SLC22A3: variants seen among roughly 807,000 people sequenced by gnomAD.
SLC22A3 encodes the protein EMT organic cation transporter 3.
SLC22A3 carries 51 observed loss-of-function variants against 59.1 expected under a neutral mutation model. The ratio of observed to expected loss-of-function variants is 0.86; its 90% CI spans 0.69 to 1.09. SLC22A3 has a LOEUF of 1.09. Among genes scored for constraint, SLC22A3 ranks in the 50% least tolerant of loss-of-function variants. SLC22A3 has a pLI of 0.00. For synonymous variants in SLC22A3, 325 were observed against 292.0 expected (o/e 1.11, Z -1.15); for missense variants, 711 against 726.3 (o/e 0.98, Z 0.24).
At chr6:160,362,406 C>A (rs943769143) in intron 1 of SLC22A3, among the ~76,000 whole-genome samples, 3 of 152,154 alleles carry the variant, frequency 2.0e-5, no homozygotes, top group Non-Finnish European at 2.9e-5. Flanking sequence ...GTAGAAAACC[C>A]TCTGCGAGAC....
intron 1 of SLC22A3, among the ~76,000 whole-genome samples, chr6:160,391,107 A>C (rs1339657093): frequency 2.0e-5 from 3 of 152,158 alleles, no homozygotes; most frequent in African/African-American, 7.2e-5. Context: ...GCATGATTTC[A>C]TCTTAACTCA....
rs1389879424 is a variant in SLC22A3 at position 160,348,823 on chromosome 6, A to T, written c.404A>T (p.Gln135Leu). 10 of 1,582,712 alleles carry T rather than the reference A, an allele frequency of 6.3e-6. No individual in the cohort carries two copies. In the East Asian group the frequency reaches 2.3e-4, roughly 36 times the overall value. ...TGCCGCGGCGGCTGGCGCTACGCCC[A>T]GGCCCACTCCACCATCGTCAGCGAG... ...VPCRGGWRYA[Q>L]AHSTIVSEFD... The change falls in exon 1 of 11, where the codon CAG becomes CTG. Residue 135 changes from glutamine (Q) to leucine (L), a missense_variant. Gln to Leu is a moderately radical substitution (Grantham distance 113). Transcript: ENST00000275300.
chr6:160,373,395 G>A (rs574384159), intron 1 of SLC22A3, among the ~76,000 whole-genome samples: 2 of 152,298 alleles, frequency 1.3e-5, no homozygotes, highest in South Asian at 4.1e-4. Flanking sequence ...TCTCAGAGGG[G>A]CACTCACCAG....
rs995313364 is a variant in SLC22A3 at position 160,451,581 on chromosome 6, G to A, written c.*525G>A. On this transcript the variant is annotated 3_prime_UTR_variant, in exon 11 of 11. Transcript: ENST00000275300. The stretch of plus-strand genomic sequence containing the variant: ...CTGAATCACAGGCACCTGGGCCAAA[G>A]GGTGTGAGCATTCATGTTCTCTGCT... 5.5e-5 allele frequency: 9 copies of A among 164,602 alleles called. No homozygotes were observed. The highest frequency in any genetic ancestry group is 1.2e-4 in the Non-Finnish European group (9 of 74,926). 10.2% of individuals were successfully genotyped at this position (164,602 alleles called of 1,614,324 possible).
intron 1 of SLC22A3, among the ~76,000 whole-genome samples, chr6:160,367,859 A>G (rs901948564): frequency 1.3e-5 from 2 of 152,090 alleles, no homozygotes; most frequent in African/African-American, 4.8e-5. Flanking sequence ...ACCTTCACCC[A>G]TAATGTCCCT....
chr6:160,451,031 C>T lies in SLC22A3; in HGVS notation c.1646C>T (p.Thr549Ile). 1 of 1,594,556 alleles carries T rather than the reference C, an allele frequency of 6.3e-7. No homozygotes were observed. Among genetic ancestry groups the T allele is most frequent in the Non-Finnish European group, 8.6e-7 (1 of 1,168,938 alleles). Residue 549 changes from threonine (T) to isoleucine (I), a missense_variant, in exon 11 of 11, where the codon ACC becomes ATC. Physicochemically the swap from Thr to Ile is moderately conservative, Grantham distance 89 (BLOSUM62 -1). Transcript: ENST00000275300. ...TGTAAATGTGGCAGGAATAAGAAAA[C>T]CCCAGTTTCCCGCTCTCACCTTTGA... ...HSCKCGRNKK[T>I]PVSRSHL
At chr6:160,426,979 C>CTCAGT (rs1232551583) in intron 5 of SLC22A3, among the ~76,000 whole-genome samples, 11 of 152,130 alleles carry the variant, frequency 7.2e-5, no homozygotes, top group Admixed American at 7.2e-4. Context: ...TTCCAGCCCC[C>CTCAGT]TCAGTGCTTT....
intron 1 of SLC22A3, among the ~76,000 whole-genome samples, chr6:160,385,971 C>A (rs1253541810): frequency 7.3e-6 from 1 of 136,784 alleles, no homozygotes; most frequent in East Asian, 2.3e-4. Context: ...AAGCCAAGGT[C>A]TATTTCTTAT....
At chr6:160,384,732 T>C (rs1785931692) in intron 1 of SLC22A3, among the ~76,000 whole-genome samples, 1 of 152,064 alleles carries the variant, frequency 6.6e-6, no homozygotes, top group African/African-American at 2.4e-5. Flanking sequence ...CCACCTTCCT[T>C]CCACCCTCAG....
At chr6:160,364,975 AT>A (rs199619888) in intron 1 of SLC22A3, among the ~76,000 whole-genome samples, 7 of 152,214 alleles carry the variant, frequency 4.6e-5, no homozygotes, top group South Asian at 2.1e-4. Flanking sequence ...CAATATAATG[AT>A]TTTTTTACTA....
At chr6:160,417,568 A>G (rs1787552249) in intron 5 of SLC22A3, among the ~76,000 whole-genome samples, 1 of 152,198 alleles carries the variant, frequency 6.6e-6, no homozygotes, top group Non-Finnish European at 1.5e-5. Context: ...GTGGTAGATT[A>G]AATTACTGTT....
At chr6:160,439,535 A>C (rs1337100045) in intron 7 of SLC22A3, among the ~76,000 whole-genome samples, 4 of 152,192 alleles carry the variant, frequency 2.6e-5, no homozygotes, top group Non-Finnish European at 4.4e-5. Flanking sequence ...TGTGTGTCCA[A>C]ATCAAGACAG....
chr6:160,363,922 A>G (rs1281473224), intron 1 of SLC22A3, among the ~76,000 whole-genome samples: 1 of 151,836 alleles, frequency 6.6e-6, no homozygotes, highest in African/African-American at 2.4e-5. Flanking sequence ...CTGGGAGTGA[A>G]GGGGTTTCCT....
chr6:160,361,585 CACTT>C (rs1389676016), intron 1 of SLC22A3, among the ~76,000 whole-genome samples: 4 of 152,330 alleles, frequency 2.6e-5, no homozygotes, highest in Non-Finnish European at 4.4e-5. Flanking sequence ...GTGTTCAACT[CACTT>C]AATCCCTACC....
intron 1 of SLC22A3, among the ~76,000 whole-genome samples, chr6:160,367,024 A>AT (rs1785228738): frequency 6.6e-6 from 1 of 152,056 alleles, no homozygotes. Context: ...TTGCTTCCAC[A>AT]TTTTTGGGTA....
At position 160,437,036 on chromosome 6, in the gene SLC22A3, C is replaced by A. The variant is rs1788364178; in HGVS notation, c.1113C>A (p.Arg371=). 6.2e-7 allele frequency: 1 copy of A among 1,614,004 alleles called. No individual in the cohort carries two copies. The highest frequency in any genetic ancestry group is 8.5e-7 in the Non-Finnish European group (1 of 1,180,014). The change falls in exon 7 of 11, where the codon CGC becomes CGA. Residue 371 remains arginine (R), a synonymous_variant. Coordinates refer to ENST00000275300, the MANE Select transcript of SLC22A3 (RefSeq NM_021977.4). ...SAVVYQGLVM[R]LGIIGGNLYI... is the part of the protein sequence containing the mutation. ...TGGTGTATCAAGGACTTGTCATGCG[C>A]CTGGGAATTATAGGGGGCAACCTCT...
chr6:160,397,606 C>T (rs1204213500), intron 1 of SLC22A3, among the ~76,000 whole-genome samples: 2 of 151,732 alleles, frequency 1.3e-5, no homozygotes, highest in Non-Finnish European at 2.9e-5. Context: ...TGGTGGCGCA[C>T]ACCTGTAGTC....
chr6:160,391,195 AG>A, intron 1 of SLC22A3, among the ~76,000 whole-genome samples: 1 of 148,116 alleles, frequency 6.8e-6, no homozygotes, highest in Non-Finnish European at 1.5e-5. Flanking sequence ...GTGTTGAGGG[AG>A]GGGGGAAGCC....
intron 1 of SLC22A3, among the ~76,000 whole-genome samples, chr6:160,390,356 A>G (rs1355353730): frequency 1.3e-5 from 2 of 152,190 alleles, no homozygotes; most frequent in African/African-American, 4.8e-5. Context: ...CAGCCAAGGC[A>G]CTGGCCTCAT....
Sources: gnomAD v4.1 joint callset for allele counts (sites outside exome capture counted in the v4.1 genomes callset) on GRCh38, gnomAD v4.1.1 for gene constraint, MANE v1.5 for transcripts, NCBI Gene and HGNC (gene_info 2026-07-23, HGNC 2026-07-21) for gene names.